Variants in VPS13B observed in about 807,000 individuals in gnomAD.
VPS13B encodes intermembrane lipid transfer protein VPS13B.
In VPS13B, 285 loss-of-function variants were observed where a neutral mutation model predicts 426.4. The ratio of observed to expected loss-of-function variants is 0.67; its 90% CI spans 0.61 to 0.74. VPS13B has a LOEUF of 0.74. Ranked by LOEUF, VPS13B falls within the 30% of genes least tolerant of loss-of-function variation. The pLI is 0.00. For missense variants in VPS13B, 4,537 were observed against 4,782.6 expected (o/e 0.95, Z 1.51); for synonymous variants, 1,676 against 1,676.4 (o/e 1.00, Z 0.01).
chr8:99,302,055 A>G (rs1190364354), intron 19 of VPS13B, among the ~76,000 whole-genome samples: 2 of 152,214 alleles, frequency 1.3e-5, no homozygotes, highest in Admixed American at 6.5e-5. Context: ...CCTTATTTCA[A>G]TGATCTCTAA....
chr8:99,557,347 T>C (rs1824640703), intron 31 of VPS13B, among the ~76,000 whole-genome samples: 1 of 151,924 alleles, frequency 6.6e-6, no homozygotes. Context: ...TCTTATGACT[T>C]TGCATTCTCA....
chr8:99,663,660 C>T (rs1442261590), intron 35 of VPS13B, among the ~76,000 whole-genome samples: 2 of 152,258 alleles, frequency 1.3e-5, no homozygotes, highest in Admixed American at 6.5e-5. Flanking sequence ...GAGTTGTTCA[C>T]ACATGAAAGA....
At chr8:99,116,278 C>T (rs143583402) in intron 7 of VPS13B, among the ~76,000 whole-genome samples, 2,090 of 151,838 alleles carry the variant, frequency 0.014, 53 homozygotes, top group African/African-American at 0.048. Context: ...GTGATCTGCC[C>T]GCCTCAGCCT....
At chr8:99,298,595 C>T (rs987502057) in intron 19 of VPS13B, among the ~76,000 whole-genome samples, 3 of 152,096 alleles carry the variant, frequency 2.0e-5, no homozygotes, top group Admixed American at 6.5e-5. Context: ...ATAAATAATT[C>T]ACTCAATGAC....
At chr8:99,137,187 G>T (rs894874902) in intron 12 of VPS13B, among the ~76,000 whole-genome samples, 2 of 151,634 alleles carry the variant, frequency 1.3e-5, no homozygotes, top group African/African-American at 2.4e-5. Context: ...ATTTTATTAT[G>T]TACCTTATTA....
At chr8:99,521,050 C>A in intron 30 of VPS13B, 40 bp downstream of exon 30, 1 of 1,524,296 alleles carries the variant, frequency 6.6e-7, no homozygotes, top group Non-Finnish European at 9.1e-7. Context: ...CAACAATTTT[C>A]ATCCTGCAAA....
At chr8:99,436,581 A>G (rs1817389431) in intron 22 of VPS13B, among the ~76,000 whole-genome samples, 2 of 152,208 alleles carry the variant, frequency 1.3e-5, no homozygotes, top group Admixed American at 1.3e-4. Flanking sequence ...TGACCTAGGT[A>G]CTTGGCTTGC....
intron 56 of VPS13B, among the ~76,000 whole-genome samples, chr8:99,857,950 C>T (rs1442580285): frequency 6.6e-6 from 1 of 152,218 alleles, no homozygotes; most frequent in African/African-American, 2.4e-5. Flanking sequence ...GAGGAGGGCT[C>T]AAAATTTAAG....
chr8:99,399,149 G>A (rs1276883097), intron 21 of VPS13B, among the ~76,000 whole-genome samples: 1 of 152,086 alleles, frequency 6.6e-6, no homozygotes, highest in East Asian at 1.9e-4. Flanking sequence ...ATCTAATGAA[G>A]TACATCTAAA....
At chr8:99,308,701 G>T (rs966044008) in intron 19 of VPS13B, among the ~76,000 whole-genome samples, 3 of 152,152 alleles carry the variant, frequency 2.0e-5, no homozygotes, top group Admixed American at 6.5e-5. Context: ...CCCCAGTAAT[G>T]GGATGGCTGG....
chr8:99,482,211 T>TA (rs1388776886), intron 25 of VPS13B, among the ~76,000 whole-genome samples: 1 of 152,110 alleles, frequency 6.6e-6, no homozygotes, highest in Non-Finnish European at 1.5e-5. Context: ...TTTTCAACCC[T>TA]ATCAGACCCA....
intron 3 of VPS13B, among the ~76,000 whole-genome samples, chr8:99,046,404 C>T (rs1034736814): frequency 6.6e-6 from 1 of 151,794 alleles, no homozygotes; most frequent in Non-Finnish European, 1.5e-5. Context: ...TATCCATAAA[C>T]TTTGTTGAAT....
intron 3 of VPS13B, among the ~76,000 whole-genome samples, chr8:99,063,335 A>G (rs1844300030): frequency 6.6e-6 from 1 of 152,220 alleles, no homozygotes; most frequent in Non-Finnish European, 1.5e-5. Flanking sequence ...GCTGTGACAG[A>G]CGGTACCTGG....
At chr8:99,189,577 A>G (rs537992477) in intron 16 of VPS13B, among the ~76,000 whole-genome samples, 1 of 151,712 alleles carries the variant, frequency 6.6e-6, no homozygotes. Context: ...TTTCTTTTCT[A>G]TTTGTTTTCC....
intron 16 of VPS13B, among the ~76,000 whole-genome samples, chr8:99,187,636 G>A (rs79703320): frequency 6.6e-6 from 1 of 152,188 alleles, no homozygotes; most frequent in African/African-American, 2.4e-5. Context: ...CTTTCTTATT[G>A]GGCAACTGTG....
At position 99,854,216 on chromosome 8, in the gene VPS13B, C is replaced by G. The variant is rs765577341; in HGVS notation, c.10827C>G (p.Ala3609=). The change falls in exon 56 of 62, where the codon GCC becomes GCG. Residue 3609 remains alanine (A), a synonymous_variant. Coordinates refer to ENST00000357162, the MANE Select transcript of VPS13B (RefSeq NM_152564.5). ...IFTTARQLVH[A]LAMHYAAGAL... is the part of the protein sequence containing the mutation. ...CCACTGCGAGGCAGCTTGTGCACGCCCTGGCAATGCACTATGCCGCTGGGG... is the reference window on the plus strand; with the variant it reads ...CCACTGCGAGGCAGCTTGTGCACGCGCTGGCAATGCACTATGCCGCTGGGG... 37 of 1,613,960 alleles carry G rather than the reference C, an allele frequency of 2.3e-5. No homozygotes were observed. Among genetic ancestry groups the G allele is most frequent in the African/African-American group, 4.0e-5 (3 of 74,906 alleles).
In VPS13B at chr8:99,520,923, CTG is replaced by C; in HGVS notation, c.4661_4662del (p.Val1554GlyfsTer14). On this transcript the variant is annotated frameshift_variant, in exon 30 of 62. Transcript: ENST00000357162. LOFTEE classifies it high-confidence loss of function. ...GCTAATCAGGCAGCAAAAGAAGACA[CTG>C]TGGTTTTGAAGATTGGCTCTGTTGC... The C allele has an allele frequency of 6.2e-7, 1 of 1,613,776 alleles. No individual in the cohort carries two copies. Among genetic ancestry groups the C allele is most frequent in the Non-Finnish European group, 8.5e-7 (1 of 1,179,736 alleles).
At chr8:99,190,387 A>G (rs544332041) in intron 16 of VPS13B, among the ~76,000 whole-genome samples, 1 of 151,158 alleles carries the variant, frequency 6.6e-6, no homozygotes, top group East Asian at 1.9e-4. Flanking sequence ...TTGAATTGGT[A>G]TGCTTAGACG....
intron 40 of VPS13B, among the ~76,000 whole-genome samples, chr8:99,771,498 C>A (rs1432342140): frequency 1.3e-5 from 2 of 152,164 alleles, no homozygotes; most frequent in African/African-American, 4.8e-5. Flanking sequence ...TAAAAGAAAT[C>A]ACTGTCCACT....
Sources: allele counts gnomAD v4.1 joint callset (sites outside exome capture counted in the v4.1 genomes callset), GRCh38; gene constraint gnomAD v4.1.1; transcripts MANE v1.5; gene names NCBI Gene and HGNC (gene_info 2026-07-23, HGNC 2026-07-21).